The following LRRTM4 variants were observed in gnomAD, a reference collection of about 807,000 sequenced individuals.
LRRTM4 encodes leucine-rich repeat transmembrane neuronal protein 4.
LRRTM4 carries 25 observed loss-of-function variants against 47.6 expected under a neutral mutation model. The observed-to-expected ratio is 0.53, with a 90% confidence interval of 0.38 to 0.73. The LOEUF (loss-of-function observed/expected upper bound fraction) is 0.73, where lower values mean the gene tolerates loss of function less well. Among genes scored for constraint, LRRTM4 ranks in the 30% least tolerant of loss-of-function variants. LRRTM4 has a pLI of 0.00. For synonymous variants in LRRTM4, 311 were observed against 269.5 expected (o/e 1.15, Z -1.51); for missense variants, 638 against 713.4 (o/e 0.89, Z 1.20).
At chr2:77,086,474 T>C (rs1271658533) in intron 3 of LRRTM4, among the ~76,000 whole-genome samples, 4 of 141,016 alleles carry the variant, frequency 2.8e-5, no homozygotes, top group Admixed American at 7.1e-5. Flanking sequence ...TTACATATAA[T>C]AATTTTTTTT....
intron 3 of LRRTM4, among the ~76,000 whole-genome samples, chr2:77,354,143 C>T (rs367989607): frequency 1.6e-4 from 25 of 152,138 alleles, no homozygotes; most frequent in African/African-American, 5.3e-4. Context: ...GTTGCCATGG[C>T]AATGGTAAAC....
intron 3 of LRRTM4, among the ~76,000 whole-genome samples, chr2:77,281,746 A>C (rs1676512145): frequency 6.6e-6 from 1 of 151,886 alleles, no homozygotes; most frequent in African/African-American, 2.4e-5. Flanking sequence ...ATGAGACAGA[A>C]GCCCAGATGT....
Position 77,502,150 on chromosome 2 carries a change from C to T in LRRTM4, c.1551+16168G>A, listed in dbSNP as rs960024563. On this transcript the variant is annotated intron_variant, in intron 3 of 3. Coordinates refer to ENST00000409884, the MANE Select transcript of LRRTM4 (RefSeq NM_001134745.3). ...AACTAAAAATATGTGTAGACGAATG[C>T]TTACTGATATATAAACATGTTCACA... 4.6e-5 allele frequency among the ~76,000 whole-genome samples: 7 copies of T among 151,182 alleles called. No homozygotes were observed. The East Asian group carries it at 1.4e-3, about 29-fold the overall frequency.
At chr2:77,227,988 C>T (rs890691172) in intron 3 of LRRTM4, among the ~76,000 whole-genome samples, 1 of 151,832 alleles carries the variant, frequency 6.6e-6, no homozygotes, top group Admixed American at 6.6e-5. Flanking sequence ...AATATATCAT[C>T]TACGAGTTAT....
chr2:76,771,655 AAAGAAAAAG>A (rs1337015499), intron 3 of LRRTM4, among the ~76,000 whole-genome samples: 10 of 85,446 alleles, frequency 1.2e-4, no homozygotes, highest in Non-Finnish European at 5.2e-5. Flanking sequence ...AAAAAAAAAA[AAAGAAAAAG>A]AAAAGAAGAA....
chr2:77,202,549 A>ATT, intron 3 of LRRTM4, among the ~76,000 whole-genome samples: 1 of 148,206 alleles, frequency 6.7e-6, no homozygotes, highest in East Asian at 2.0e-4. Flanking sequence ...AATTTGGATA[A>ATT]TTTTTTTTTT....
chr2:76,989,696 A>T (rs1455496466), intron 3 of LRRTM4: 4 of 151,860 alleles, frequency 2.6e-5, no homozygotes, highest in South Asian at 4.1e-4. Flanking sequence ...TGTTACATTT[A>T]AAAAATCTAT....
intron 3 of LRRTM4, among the ~76,000 whole-genome samples, chr2:76,893,429 AAAT>A (rs1352590338): frequency 6.6e-6 from 1 of 151,760 alleles, no homozygotes; most frequent in Non-Finnish European, 1.5e-5. Context: ...TAAAAGTTAA[AAAT>A]AATAACTAAA....
intron 3 of LRRTM4, among the ~76,000 whole-genome samples, chr2:76,776,157 T>G (rs1249548982): frequency 2.0e-5 from 3 of 152,214 alleles, no homozygotes; most frequent in African/African-American, 7.2e-5. Flanking sequence ...CAGTCTATCA[T>G]TGTTGGACAT....
chr2:76,849,009 G>T (rs765286638), intron 3 of LRRTM4, among the ~76,000 whole-genome samples: 1 of 152,002 alleles, frequency 6.6e-6, no homozygotes, highest in African/African-American at 2.4e-5. Context: ...TGTTATACCA[G>T]ATTTCTCTCT....
At chr2:77,249,020 C>A (rs1454680719) in intron 3 of LRRTM4, among the ~76,000 whole-genome samples, 1 of 152,026 alleles carries the variant, frequency 6.6e-6, no homozygotes, top group Admixed American at 6.6e-5. Flanking sequence ...CAAGCATGAT[C>A]CATGATAGAA....
chr2:76,830,543 T>C (rs1026465357), intron 3 of LRRTM4, among the ~76,000 whole-genome samples: 4 of 151,456 alleles, frequency 2.6e-5, no homozygotes, highest in Admixed American at 2.0e-4. Context: ...TGTGTGTGTG[T>C]GTGTTTCTGC....
At chr2:77,145,800 T>TAAATAAATAAATAAATAAATAAAA (rs1553398065) in intron 3 of LRRTM4, among the ~76,000 whole-genome samples, 5 of 150,880 alleles carry the variant, frequency 3.3e-5, no homozygotes, top group African/African-American at 1.2e-4. Context: ...AATAAATAAA[T>TAAATAAATAAATAAATAAATAAAA]AAATAAAATA....
Position 76,985,435 on chromosome 2 carries a change from G to A in LRRTM4, c.1552-236519C>T, listed in dbSNP as rs576025087. Among the ~76,000 whole-genome samples, 48 of 152,052 alleles carry A rather than the reference G, an allele frequency of 3.2e-4. 1 individual carries two copies. Among genetic ancestry groups the A allele is most frequent in the Non-Finnish European group, 6.8e-4 (46 of 67,952 alleles). ...GTTCGTCTGCTAACACCACAGAAAAGGAACAGAGGAATAAGAAGCAATAGG... is the reference window on the plus strand; with the variant it reads ...GTTCGTCTGCTAACACCACAGAAAAAGAACAGAGGAATAAGAAGCAATAGG... On this transcript the variant is annotated intron_variant, in intron 3 of 3. Coordinates refer to ENST00000409884, the MANE Select transcript of LRRTM4 (RefSeq NM_001134745.3).
chr2:77,055,642 G>A (rs1679578396), intron 3 of LRRTM4, among the ~76,000 whole-genome samples: 1 of 152,106 alleles, frequency 6.6e-6, no homozygotes, highest in Non-Finnish European at 1.5e-5. Flanking sequence ...CGATTCCTCA[G>A]GGATCTAGAA....
At chr2:77,299,847 A>ATTTTT (rs145008759) in intron 3 of LRRTM4, among the ~76,000 whole-genome samples, 24 of 114,196 alleles carry the variant, frequency 2.1e-4, no homozygotes, top group African/African-American at 7.4e-4. Flanking sequence ...TAAGGTAATG[A>ATTTTT]TTTTTTTTTT....
intron 3 of LRRTM4, among the ~76,000 whole-genome samples, chr2:76,855,781 T>G (rs1672131445): frequency 6.6e-6 from 1 of 152,076 alleles, no homozygotes; most frequent in Non-Finnish European, 1.5e-5. Flanking sequence ...TATGAGAGCT[T>G]AATAACAAGA....
chr2:77,373,772 G>T (rs1411670239), intron 3 of LRRTM4, among the ~76,000 whole-genome samples: 1 of 151,770 alleles, frequency 6.6e-6, no homozygotes. Flanking sequence ...AGGTGAGAAT[G>T]TGACAGTAGA....
intron 3 of LRRTM4, among the ~76,000 whole-genome samples, chr2:77,282,772 G>A (rs1384955859): frequency 3.3e-5 from 5 of 151,980 alleles, no homozygotes; most frequent in Non-Finnish European, 4.4e-5. Context: ...AAATGGTGTT[G>A]AGATAGCTGG....
Sources: gnomAD v4.1 joint callset for allele counts (sites outside exome capture counted in the v4.1 genomes callset) on GRCh38, gnomAD v4.1.1 for gene constraint, MANE v1.5 for transcripts, NCBI Gene and HGNC (gene_info 2026-07-23, HGNC 2026-07-21) for gene names.